Variants in ELAPOR2 observed in about 807,000 individuals in gnomAD.
ELAPOR2 encodes the protein endosome-lysosome associated apoptosis and autophagy regulator family member 2.
A neutral mutation model predicts 120.7 loss-of-function variants in ELAPOR2; 89 were observed. The observed-to-expected ratio is 0.74, with a 90% CI of 0.62 to 0.88. ELAPOR2 has a LOEUF of 0.88. Ranked by LOEUF, ELAPOR2 falls within the 40% of genes least tolerant of loss-of-function variation. ELAPOR2 has a pLI of 0.00. For synonymous variants in ELAPOR2, 444 were observed against 444.9 expected, an observed-to-expected ratio of 1.00 and a Z score of 0.03; for missense variants, 1,134 against 1,251.6, an observed-to-expected ratio of 0.91 and a Z score of 1.42.
chr7:87,020,964 T>C (rs1351067267), intron 1 of ELAPOR2, among the ~76,000 whole-genome samples: 1 of 152,102 alleles, frequency 6.6e-6, no homozygotes, highest in Non-Finnish European at 1.5e-5. Flanking sequence ...CTAACATTAA[T>C]ATAGTAGCAT....
intron 1 of ELAPOR2, among the ~76,000 whole-genome samples, chr7:87,018,770 T>C (rs913406685): frequency 5.3e-5 from 8 of 152,236 alleles, no homozygotes; most frequent in African/African-American, 1.9e-4. Context: ...TTGTGATATG[T>C]GTCTGTCTCT....
chr7:86,926,776 G>T lies in ELAPOR2; in HGVS notation c.1230C>A (p.Cys410Ter). ...PGFYNNGSSS[C>*]HPCPPGTFSD... is the part of the protein sequence containing the mutation. ...AAAATGTTCCAGGAGGACAGGGATG[G>T]CAAGAAGATGATCCATTGTTATAAA... is the stretch of plus-strand genomic sequence containing the variant. Residue 410 changes from cysteine (C) to a stop codon, truncating the protein, a stop_gained, in exon 9 of 22, where the codon TGC becomes TGA. Coordinates refer to ENST00000450689, the MANE Select transcript of ELAPOR2 (RefSeq NM_001142749.3). LOFTEE classifies it high-confidence loss of function. 2 of 1,611,666 alleles carry T rather than the reference G, an allele frequency of 1.2e-6. No individual in the cohort carries two copies. Among genetic ancestry groups the T allele is most frequent in the South Asian group, 1.1e-5 (1 of 90,812 alleles).
Position 86,878,392 on chromosome 7 carries a change from GAAATA to G in ELAPOR2, c.*2074_*2078del, listed in dbSNP as rs1269395602. The G allele has an allele frequency of 5.3e-5, 8 of 152,144 alleles. No homozygotes were observed. The highest frequency in any genetic ancestry group is 1.4e-4 in the African/African-American group (6 of 41,428). 9.4% of individuals were successfully genotyped at this position (152,144 alleles called of 1,614,324 possible). ...AAAATATATTTAATATCTAAAATTA[GAAATA>G]AAATAAATTCTCCAATATCAACTAC... On this transcript the variant is annotated 3_prime_UTR_variant, in exon 22 of 22. Coordinates refer to ENST00000450689, the MANE Select transcript of ELAPOR2 (RefSeq NM_001142749.3).
At chr7:87,039,811 G>C (rs562212668) in intron 1 of ELAPOR2, among the ~76,000 whole-genome samples, 1 of 152,206 alleles carries the variant, frequency 6.6e-6, no homozygotes, top group African/African-American at 2.4e-5. Context: ...AGCTCCCAGC[G>C]TGAGCGACGC....
At chr7:87,052,316 A>T (rs1795131908) in intron 1 of ELAPOR2, among the ~76,000 whole-genome samples, 1 of 152,154 alleles carries the variant, frequency 6.6e-6, no homozygotes. Flanking sequence ...GAGAAGAGAG[A>T]TTGTACAGGG....
rs558114685 is a variant in ELAPOR2, at chr7:87,058,228, C to G, written c.189+1097G>C. 3.3e-5 allele frequency among the ~76,000 whole-genome samples: 5 copies of G among 152,216 alleles called. No homozygotes were observed. The South Asian group carries it at 1.0e-3, about 32-fold the overall frequency. On this transcript the variant is annotated intron_variant, in intron 1 of 21. Transcript: ENST00000450689. ...TGTAGAACACAGATACTCTGTAATT[C>G]AAGTCTCGGTAAAATTCAGAAGTTA...
intron 1 of ELAPOR2, among the ~76,000 whole-genome samples, chr7:87,009,420 A>G (rs1385006761): frequency 4.6e-5 from 7 of 152,238 alleles, no homozygotes; most frequent in Admixed American, 1.3e-4. Context: ...ATTTATCACA[A>G]CAACTGAAAA....
chr7:86,893,445 A>AT (rs932710090), intron 19 of ELAPOR2, among the ~76,000 whole-genome samples: 2,067 of 147,674 alleles, frequency 0.014, 28 homozygotes, highest in African/African-American at 0.041. Context: ...CTTCTGGGCT[A>AT]TTTTTTTTTT....
intron 1 of ELAPOR2, among the ~76,000 whole-genome samples, chr7:86,968,969 A>G (rs747249531): frequency 6.6e-6 from 1 of 152,120 alleles, no homozygotes; most frequent in Non-Finnish European, 1.5e-5. Context: ...TTCCCTATAA[A>G]CCTTGCATTG....
intron 1 of ELAPOR2, among the ~76,000 whole-genome samples, chr7:87,045,692 G>T (rs1200550006): frequency 1.3e-5 from 2 of 151,476 alleles, no homozygotes; most frequent in Non-Finnish European, 2.9e-5. Flanking sequence ...GCACCAGCAT[G>T]GCACATGTAT....
chr7:87,021,186 C>T (rs578240849), intron 1 of ELAPOR2, among the ~76,000 whole-genome samples: 6 of 152,162 alleles, frequency 3.9e-5, no homozygotes, highest in African/African-American at 1.4e-4. Context: ...ACTGCTTTAA[C>T]TGTTATGTTT....
At chr7:86,976,843 AC>A (rs1792298512) in intron 1 of ELAPOR2, among the ~76,000 whole-genome samples, 1 of 152,180 alleles carries the variant, frequency 6.6e-6, no homozygotes, top group African/African-American at 2.4e-5. Flanking sequence ...AACATATAAC[AC>A]CACCAAAATG....
chr7:86,979,007 G>C (rs1015646154), intron 1 of ELAPOR2, among the ~76,000 whole-genome samples: 1 of 152,184 alleles, frequency 6.6e-6, no homozygotes, highest in African/African-American at 2.4e-5. Flanking sequence ...CACTAGCTTT[G>C]CAGAATAAGT....
At position 86,919,208 on chromosome 7, in the gene ELAPOR2, TG is replaced by T; in HGVS notation, c.1490+11del. 1 of 1,586,134 alleles carries T rather than the reference TG, an allele frequency of 6.3e-7. No individual in the cohort carries two copies. Among genetic ancestry groups the T allele is most frequent in the Non-Finnish European group, 8.7e-7 (1 of 1,155,876 alleles). On this transcript the variant is annotated intron_variant, in intron 11 of 21. Coordinates refer to ENST00000450689, the MANE Select transcript of ELAPOR2 (RefSeq NM_001142749.3). ...GATTCTTACAGAAAAGAATTAGAAT[TG>T]TTTTCCTTACTTAAATCCTGGGATA... is the stretch of plus-strand genomic sequence containing the variant.
chr7:86,897,005 T>A (rs1031889204), intron 19 of ELAPOR2, among the ~76,000 whole-genome samples: 2 of 151,954 alleles, frequency 1.3e-5, no homozygotes, highest in Admixed American at 1.3e-4. Flanking sequence ...AAAATATCTA[T>A]CAATAAATAT....
chr7:86,965,104 CCT>C lies in ELAPOR2; in HGVS notation c.190-82_190-81del, dbSNP rs1376596397. 40 of 1,459,992 alleles carry C rather than the reference CCT, an allele frequency of 2.7e-5. No individual in the cohort carries two copies. The Admixed American group carries it at 7.9e-4, about 29-fold the overall frequency. The allele number at this position is 1,459,992 out of a possible 1,614,324, so 90.4% of individuals were successfully genotyped here. Reference sequence around the variant, plus strand: ...TGTGCTTTCTCTATCACCCCAAGCCCCTGTTTCCAAGCTGTACCCTCTCCTTG... The same window carrying C: ...TGTGCTTTCTCTATCACCCCAAGCCCGTTTCCAAGCTGTACCCTCTCCTTG... On this transcript the variant is annotated intron_variant, in intron 1 of 21. Transcript: ENST00000450689.
At chr7:87,017,965 GT>G (rs1385326927) in intron 1 of ELAPOR2, among the ~76,000 whole-genome samples, 1 of 152,026 alleles carries the variant, frequency 6.6e-6, no homozygotes, top group East Asian at 1.9e-4. Flanking sequence ...ATTAATAATT[GT>G]CATTAACATC....
At chr7:86,900,034 AT>A (rs1254621395) in intron 18 of ELAPOR2, among the ~76,000 whole-genome samples, 1 of 152,164 alleles carries the variant, frequency 6.6e-6, no homozygotes, top group Non-Finnish European at 1.5e-5. Context: ...ATGAGAAAAA[AT>A]ATCCAAGAAT....
intron 21 of ELAPOR2, among the ~76,000 whole-genome samples, chr7:86,887,341 T>C (rs1799741421): frequency 6.6e-6 from 1 of 152,086 alleles, no homozygotes; most frequent in African/African-American, 2.4e-5. Context: ...CATATTTTTC[T>C]TATGCAGAGG....
Sources: allele counts gnomAD v4.1 joint callset (sites outside exome capture counted in the v4.1 genomes callset), GRCh38; gene constraint gnomAD v4.1.1; transcripts MANE v1.5; gene names NCBI Gene and HGNC (gene_info 2026-07-23, HGNC 2026-07-21).